PSD3: variants seen among roughly 807,000 people sequenced by gnomAD.
The protein encoded by PSD3 is pleckstrin and Sec7 domain containing 3, also known as PH and SEC7 domain-containing protein 3.
In PSD3, 49 loss-of-function variants were observed where a neutral mutation model predicts 105.5. That is an observed-to-expected ratio of 0.46 (90% CI 0.37 to 0.59). The LOEUF is 0.59. PSD3 is among the 20% of genes least tolerant of loss of function. PSD3 has a pLI of 0.00. For synonymous variants in PSD3, 557 were observed against 457.8 expected, an observed-to-expected ratio of 1.22 and a Z score of -2.77; for missense variants, 1,561 against 1,263.8, an observed-to-expected ratio of 1.24 and a Z score of -3.57.
chr8:18,993,123 G>T (rs73204555), intron 1 of PSD3, among the ~76,000 whole-genome samples: 31,732 of 152,078 alleles, frequency 0.21, 4,108 homozygotes, highest in Admixed American at 0.33. Context: ...TCCAAAATAA[G>T]AAAATCTTGT....
intron 8 of PSD3, among the ~76,000 whole-genome samples, chr8:18,785,277 A>T (rs1289840744): frequency 6.6e-6 from 1 of 152,182 alleles, no homozygotes; most frequent in African/African-American, 2.4e-5. Flanking sequence ...CTAGGAAAAA[A>T]TATCTTACCT....
intron 1 of PSD3, among the ~76,000 whole-genome samples, chr8:19,040,314 A>G (rs1287518025): frequency 1.3e-5 from 2 of 151,936 alleles, no homozygotes; most frequent in Admixed American, 1.3e-4. Context: ...GTGATCTCCC[A>G]CCTCAGCCTT....
At chr8:18,676,339 A>C (rs1800061632) in intron 9 of PSD3, among the ~76,000 whole-genome samples, 1 of 152,322 alleles carries the variant, frequency 6.6e-6, no homozygotes, top group South Asian at 2.1e-4. Context: ...CTTGGGAGTT[A>C]GAGATGACAC....
intron 9 of PSD3, among the ~76,000 whole-genome samples, chr8:18,719,340 A>G (rs894368752): frequency 6.6e-6 from 1 of 152,188 alleles, no homozygotes; most frequent in Non-Finnish European, 1.5e-5. Context: ...GCTTGTACAA[A>G]CTACTAAATC....
rs1816795532 is a variant in PSD3, at chr8:18,865,261, TATATATATATATATATA to T, written c.1634+2396_1634+2412del. On this transcript the variant is annotated intron_variant, in intron 4 of 15. Transcript: ENST00000327040. The stretch of plus-strand genomic sequence containing the variant: ...ATATATATATATATATATATATATA[TATATATATATATATATA>T]TATATATATTTTTTTTTTTTTTTTT... 6.2e-3 allele frequency: 48 copies of T among 7,784 alleles called. 3 individuals carry two copies. The highest frequency in any genetic ancestry group is 0.014 in the African/African-American group (23 of 1,680). 0.5% of individuals were successfully genotyped at this position (7,784 alleles called of 1,614,324 possible).
At chr8:18,762,996 GT>G (rs1806668331) in intron 9 of PSD3, 1 of 1,110,456 alleles carries the variant, frequency 9.0e-7, no homozygotes, top group Non-Finnish European at 1.2e-6. Flanking sequence ...TGCCCATTTG[GT>G]TTCAGCATCT....
At chr8:18,923,446 A>T (rs2129467603) in intron 2 of PSD3, among the ~76,000 whole-genome samples, 1 of 152,344 alleles carries the variant, frequency 6.6e-6, no homozygotes, top group Non-Finnish European at 1.5e-5. Flanking sequence ...GACCAAATAT[A>T]GTCATGTGCC....
Position 18,595,934 on chromosome 8 carries a change from C to G in PSD3, c.2481+4430G>C, listed in dbSNP as rs115199999. 2.8e-3 allele frequency among the ~76,000 whole-genome samples: 432 copies of G among 152,096 alleles called. 1 individual carries two copies. The highest frequency in any genetic ancestry group is 9.7e-3 in the African/African-American group (401 of 41,534). The stretch of plus-strand genomic sequence containing the variant: ...GCAAACATATACAGAACATTCCACT[C>G]AACAGCATGAGAATATATATTCTTC... On this transcript the variant is annotated intron_variant, in intron 12 of 15. Coordinates refer to ENST00000327040, the MANE Select transcript of PSD3 (RefSeq NM_015310.4).
intron 9 of PSD3, among the ~76,000 whole-genome samples, chr8:18,709,332 T>C (rs1802098971): frequency 6.6e-6 from 1 of 152,112 alleles, no homozygotes; most frequent in Non-Finnish European, 1.5e-5. Context: ...GGATTTAGGA[T>C]AAAACTCTTG....
At chr8:19,046,933 C>G (rs191921506) in intron 1 of PSD3, among the ~76,000 whole-genome samples, 1 of 152,304 alleles carries the variant, frequency 6.6e-6, no homozygotes, top group African/African-American at 2.4e-5. Flanking sequence ...ACTTGTCTCT[C>G]ATCAAGAGTG....
chr8:18,876,681 T>G (rs2129458224), intron 2 of PSD3, among the ~76,000 whole-genome samples: 1 of 152,296 alleles, frequency 6.6e-6, no homozygotes, highest in Admixed American at 6.5e-5. Context: ...ATTACAGACA[T>G]GAACCACCGC....
At chr8:19,004,412 A>G (rs1034086207) in intron 1 of PSD3, among the ~76,000 whole-genome samples, 4 of 152,116 alleles carry the variant, frequency 2.6e-5, no homozygotes, top group African/African-American at 7.2e-5. Context: ...GTGAGGGCCT[A>G]GAACTGTGCT....
At chr8:18,810,948 C>T (rs1304695357) in intron 4 of PSD3, among the ~76,000 whole-genome samples, 1 of 152,158 alleles carries the variant, frequency 6.6e-6, no homozygotes, top group Non-Finnish European at 1.5e-5. Flanking sequence ...AAGTAAAACC[C>T]TAAATCATAA....
At chr8:19,057,294 T>C (rs1479165618) in intron 1 of PSD3, among the ~76,000 whole-genome samples, 1 of 152,176 alleles carries the variant, frequency 6.6e-6, no homozygotes, top group African/African-American at 2.4e-5. Flanking sequence ...CACATACTGC[T>C]CTTCAGCCTA....
chr8:18,593,801 A>T (rs1242187267), intron 12 of PSD3, among the ~76,000 whole-genome samples: 1 of 151,946 alleles, frequency 6.6e-6, no homozygotes, highest in African/African-American at 2.4e-5. Context: ...GCCCTAAAAA[A>T]GGATGAGTTC....
intron 9 of PSD3, among the ~76,000 whole-genome samples, chr8:18,764,401 G>T (rs1164309148): frequency 1.3e-5 from 2 of 152,122 alleles, no homozygotes; most frequent in Non-Finnish European, 2.9e-5. Flanking sequence ...AGGACCTAAA[G>T]AAAATGCCTT....
intron 2 of PSD3, among the ~76,000 whole-genome samples, chr8:18,904,562 C>CAAAAG (rs112724601): frequency 0.011 from 1,635 of 152,310 alleles, 28 homozygotes; most frequent in African/African-American, 0.038. Flanking sequence ...TGGCTGATCT[C>CAAAAG]TCCCTTTTGA....
intron 8 of PSD3, among the ~76,000 whole-genome samples, chr8:18,778,746 G>C (rs1216918290): frequency 6.6e-6 from 1 of 151,536 alleles, no homozygotes; most frequent in Admixed American, 6.6e-5. Flanking sequence ...ACCTTTTTGT[G>C]ACGTATCATG....
chr8:18,606,382 T>G (rs988388578), intron 11 of PSD3, among the ~76,000 whole-genome samples: 2 of 152,238 alleles, frequency 1.3e-5, no homozygotes, highest in African/African-American at 4.8e-5. Flanking sequence ...TCCCCACATT[T>G]GTACTCATGC....
Sources: allele counts gnomAD v4.1 joint callset (sites outside exome capture counted in the v4.1 genomes callset), GRCh38; gene constraint gnomAD v4.1.1; transcripts MANE v1.5; gene names NCBI Gene and HGNC (gene_info 2026-07-23, HGNC 2026-07-21).